DDB1: variants seen among roughly 807,000 people sequenced by gnomAD.
The protein encoded by DDB1 is damage specific DNA binding protein 1.
In DDB1, 18 loss-of-function variants were observed where a neutral mutation model predicts 133.1. The observed-to-expected ratio is 0.14, with a 90% CI of 0.09 to 0.20. The LOEUF is 0.20. Among genes scored for constraint, DDB1 ranks in the 10% least tolerant of loss-of-function variants. The pLI, the probability that DDB1 is intolerant of heterozygous loss-of-function variation, is 1.00. For synonymous variants in DDB1, 580 were observed against 550.5 expected (o/e 1.05, Z -0.75); for missense variants, 828 against 1,459.2 (o/e 0.57, Z 7.05).
At chr11:61,316,008 A>G (rs1320392208) in intron 12 of DDB1, 3 of 297,564 alleles carry the variant, frequency 1.0e-5, no homozygotes, top group Non-Finnish European at 1.8e-5. Flanking sequence ...ATCCGAAACT[A>G]TATTTTTATG....
rs941162798 is a variant in DDB1, at chr11:61,307,434, T to C, written c.2661+1549A>G. 5.3e-5 allele frequency among the ~76,000 whole-genome samples: 8 copies of C among 152,258 alleles called. No homozygotes were observed. In the East Asian group the frequency reaches 9.6e-4, roughly 18 times the overall value. On this transcript the variant is annotated intron_variant, in intron 21 of 26. Coordinates refer to ENST00000301764, the MANE Select transcript of DDB1 (RefSeq NM_001923.5). ...CACTTGGAGTTTACCAATTCCCTCC[T>C]GCTTCAGATAACTTTTTCTCCATGG... is the stretch of plus-strand genomic sequence containing the variant.
intron 7 of DDB1, chr11:61,323,695 T>C (rs1339829707): frequency 2.7e-6 from 1 of 364,774 alleles, no homozygotes; most frequent in Non-Finnish European, 5.2e-6. Context: ...ATCACAGGTG[T>C]GAGCCACTGA....
At position 61,311,844 on chromosome 11, in the gene DDB1, G is replaced by C; in HGVS notation, c.2217C>G (p.Arg739=). The change falls in exon 18 of 27, where the codon CGC becomes CGG. Residue 739 remains arginine, a synonymous_variant. Coordinates refer to ENST00000301764, the MANE Select transcript of DDB1 (RefSeq NM_001923.5). ...CCCCACTCGTGTCTTGGACTTCAAT[G>C]CGGCTGGAGAGGACCCCGAAACACT... The part of the protein sequence containing the change: ...VSQCFGVLSS[R]IEVQDTSGGT... 1 of 1,614,110 alleles carries C rather than the reference G, an allele frequency of 6.2e-7. No homozygotes were observed. The highest frequency in any genetic ancestry group is 8.5e-7 in the Non-Finnish European group (1 of 1,180,006).
In DDB1 at chr11:61,329,533, C is replaced by G; in HGVS notation, c.379G>C (p.Glu127Gln). The change falls in exon 4 of 27, where the codon GAG becomes CAG. Residue 127 changes from glutamate (E) to glutamine (Q), a missense_variant. This residue lies in a region of DDB1 where 210 missense variants were observed against 344.8 expected (regional missense o/e 0.61). Coordinates refer to ENST00000301764, the MANE Select transcript of DDB1 (RefSeq NM_001923.5). ...ETGIIGIIDPECRMIGLRLYD... is the reference protein window; with the variant it reads ...ETGIIGIIDPQCRMIGLRLYD... Reference sequence around the variant, plus strand: ...AGACGCAGGCCAATCATCCGGCACTCAGGGTCAATGATGCCAATAATGCCG... The same window carrying G: ...AGACGCAGGCCAATCATCCGGCACTGAGGGTCAATGATGCCAATAATGCCG... 6.2e-7 allele frequency: 1 copy of G among 1,614,162 alleles called. No homozygotes were observed. Among genetic ancestry groups the G allele is most frequent in the Non-Finnish European group, 8.5e-7 (1 of 1,180,024 alleles).
intron 10 of DDB1, among the ~76,000 whole-genome samples, chr11:61,317,665 C>T (rs1856114310): frequency 6.6e-6 from 1 of 151,846 alleles, no homozygotes; most frequent in Non-Finnish European, 1.5e-5. Flanking sequence ...TGTCACCACG[C>T]CTGGCTAATT....
chr11:61,310,091 G>A (rs61895892), intron 19 of DDB1, 131 bp from the exon 20 acceptor site: 1 of 1,402,604 alleles, frequency 7.1e-7, no homozygotes, highest in African/African-American at 1.4e-5. Flanking sequence ...TGTCTCATCA[G>A]ATTATCCATC....
chr11:61,315,806 A>T (rs1274117830), intron 12 of DDB1: 1 of 154,138 alleles, frequency 6.5e-6, no homozygotes, highest in Admixed American at 6.4e-5. Flanking sequence ...TAAGGATCAG[A>T]ATAGGGTAAG....
chr11:61,307,537 C>G (rs139624377), intron 21 of DDB1, among the ~76,000 whole-genome samples: 2 of 152,336 alleles, frequency 1.3e-5, no homozygotes, highest in African/African-American at 4.8e-5. Context: ...CACCCTATCT[C>G]TGAAATGCTG....
chr11:61,300,743 G>C, intron 26 of DDB1, 66 bp downstream of exon 26: 3 of 1,595,140 alleles, frequency 1.9e-6, no homozygotes, highest in Non-Finnish European at 1.7e-6. Flanking sequence ...CCCAGAGACA[G>C]TCTCCTGGCA....
At chr11:61,327,715 G>A (rs2134936344) in intron 4 of DDB1, among the ~76,000 whole-genome samples, 1 of 152,130 alleles carries the variant, frequency 6.6e-6, no homozygotes, top group East Asian at 1.9e-4. Context: ...GTCAGTCCTG[G>A]GACTGCCAAG....
intron 24 of DDB1, 108 bp downstream of exon 24, chr11:61,302,474 C>A: frequency 6.3e-7 from 1 of 1,575,254 alleles, no homozygotes; most frequent in Non-Finnish European, 8.7e-7. Context: ...GCTGCAGCCT[C>A]CTCTAGTAAA....
Position 61,324,083 on chromosome 11 carries a change from G to A in DDB1, c.817C>T (p.Leu273=). 1 of 1,614,106 alleles carries A rather than the reference G, an allele frequency of 6.2e-7. No individual in the cohort carries two copies. The highest frequency in any genetic ancestry group is 1.1e-5 in the South Asian group (1 of 91,086). ...RVDPNGSRYL[L]GDMEGRLFML... is the part of the protein sequence containing the mutation. ...AAGAGCCGGCCTTCCATGTCTCCCAGCAGGTATCTTGAGCCATTAGGGTCC... is the reference window on the plus strand; with the variant it reads ...AAGAGCCGGCCTTCCATGTCTCCCAACAGGTATCTTGAGCCATTAGGGTCC... The change falls in exon 7 of 27, where the codon CTG becomes TTG. Residue 273 remains leucine (L), a synonymous_variant. Coordinates refer to ENST00000301764, the MANE Select transcript of DDB1 (RefSeq NM_001923.5).
Position 61,314,166 on chromosome 11 carries a change from G to C in DDB1, c.1634C>G (p.Pro545Arg), listed in dbSNP as rs1341606286. The change falls in exon 14 of 27, where the codon CCA (proline) becomes CGA (arginine). Residue 545 changes from proline to arginine, a missense_variant. This residue lies in a region of DDB1 where 396 missense variants were observed against 554.1 expected (regional missense o/e 0.71). Transcript: ENST00000301764. ...EHEVACLDIT[P>R]LGDSNGLSPL... Reference sequence around the variant, plus strand: ...GGACAGTCCATTGCTGTCTCCTAATGGGGTGATGTCCAAGCAAGCCACTTC... The same window carrying C: ...GGACAGTCCATTGCTGTCTCCTAATCGGGTGATGTCCAAGCAAGCCACTTC... The C allele has an allele frequency of 7.4e-6, 12 of 1,612,848 alleles. No individual in the cohort carries two copies. The Admixed American group carries it at 2.0e-4, about 27-fold the overall frequency.
chr11:61,328,992 C>T (rs183071350), intron 4 of DDB1, among the ~76,000 whole-genome samples: 4 of 152,248 alleles, frequency 2.6e-5, no homozygotes, highest in Admixed American at 2.6e-4. Flanking sequence ...TTTCTCTTTG[C>T]TTAATATAAA....
At chr11:61,307,543 T>C (rs756282624) in intron 21 of DDB1, among the ~76,000 whole-genome samples, 4 of 152,224 alleles carry the variant, frequency 2.6e-5, no homozygotes, top group Non-Finnish European at 5.9e-5. Context: ...ATCTCTGAAA[T>C]GCTGGACAGC....
chr11:61,313,433 G>C, intron 16 of DDB1, 66 bp downstream of exon 16: 1 of 1,451,092 alleles, frequency 6.9e-7, no homozygotes, highest in Non-Finnish European at 9.6e-7. Flanking sequence ...TGAGGTAAGG[G>C]TTTGAGGAAA....
At chr11:61,316,690 G>A in intron 10 of DDB1, 123 bp from the exon 11 acceptor site, 2 of 1,037,118 alleles carry the variant, frequency 1.9e-6, no homozygotes, top group Non-Finnish European at 3.0e-6. Flanking sequence ...GGAAGGCAGA[G>A]GCAGGAGGAC....
intron 26 of DDB1, 91 bp downstream of exon 26, chr11:61,300,718 T>C: frequency 6.4e-7 from 1 of 1,555,638 alleles, no homozygotes; most frequent in Non-Finnish European, 8.7e-7. Flanking sequence ...ATCTTGGAAC[T>C]GAGGAGGAGA....
rs555561982 is a variant in DDB1 at position 61,326,895 on chromosome 11, TG to T, written c.550-3del. The T allele has an allele frequency of 4.9e-4, 782 of 1,609,786 alleles. 7 individuals carry two copies. The highest frequency in any genetic ancestry group is 1.7e-3 in the South Asian group (152 of 90,968). ...TTTTACGTGCCGCCCCTGAGGGTCC[TG>T]GGGGGGAAAGGTAAAATGGTTAGCC... On this transcript the variant is annotated splice_region_variant and splice_polypyrimidine_tract_variant and intron_variant, in intron 4 of 26. Coordinates refer to ENST00000301764, the MANE Select transcript of DDB1 (RefSeq NM_001923.5).
Sources: gnomAD v4.1 joint callset for allele counts (sites outside exome capture counted in the v4.1 genomes callset) on GRCh38, gnomAD v4.1.1 for gene constraint, gnomAD v4.1.1 regional missense constraint, MANE v1.5 for transcripts, NCBI Gene and HGNC (gene_info 2026-07-23, HGNC 2026-07-21) for gene names.